Variants in PXDC1 observed in about 807,000 individuals in gnomAD.
The protein encoded by PXDC1 is PX domain containing 1, also known as PX domain-containing protein 1.
A neutral mutation model predicts 24.4 loss-of-function variants in PXDC1; 13 were observed. That is an observed-to-expected ratio of 0.53 (90% CI 0.35 to 0.85). The LOEUF (loss-of-function observed/expected upper bound fraction) is 0.85, where lower values mean the gene tolerates loss of function less well. Ranked by LOEUF, PXDC1 falls within the 40% of genes least tolerant of loss-of-function variation. The pLI, the probability that PXDC1 is intolerant of heterozygous loss-of-function variation, is 0.01. For missense variants in PXDC1, 344 were observed against 309.3 expected (o/e 1.11, Z -0.84); for synonymous variants, 162 against 124.9 (o/e 1.30, Z -1.98).
rs1315049439 is a variant in PXDC1, at chr6:3,737,643, C to A, written c.348+414G>T. ...TGGAAAGGGAGTTGACGGTCAAATC[C>A]GGGCAACGTGCCCCGCTGTGCTGAC... On this transcript the variant is annotated intron_variant, in intron 2 of 4. Coordinates refer to ENST00000380283, the MANE Select transcript of PXDC1 (RefSeq NM_183373.4). The surrounding 1 kb of genome is among the most constrained non-coding windows in gnomAD (Gnocchi z 5.5). 1 of 985,160 alleles carries A rather than the reference C, an allele frequency of 1.0e-6. No individual in the cohort carries two copies. The allele number at this position is 985,160 out of a possible 1,614,324, so 61.0% of individuals were successfully genotyped here. A position where few individuals can be genotyped will look rare whatever the true frequency, so the allele number is the denominator to read the frequency against.
At chr6:3,738,803 C>A (rs752811971) in intron 1 of PXDC1, 10 of 1,302,858 alleles carry the variant, frequency 7.7e-6, no homozygotes, top group Non-Finnish European at 1.0e-5. Context: ...TACCATAGCT[C>A]GAGGCATGAA....
At chr6:3,739,933 A>T (rs1370957725) in intron 1 of PXDC1, among the ~76,000 whole-genome samples, 1 of 152,208 alleles carries the variant, frequency 6.6e-6, no homozygotes, top group Non-Finnish European at 1.5e-5. Flanking sequence ...AATTCTTAAA[A>T]AGTTGTTTTT....
Position 3,727,555 on chromosome 6 carries a change from G to A in PXDC1, c.574C>T (p.His192Tyr). The A allele has an allele frequency of 3.1e-6, 5 of 1,592,354 alleles. No homozygotes were observed. Among genetic ancestry groups the A allele is most frequent in the Non-Finnish European group, 4.3e-6 (5 of 1,160,282 alleles). Reference protein sequence around the residue: ...DQQLGVDPTEHLFENGSEFPS... With the variant: ...DQQLGVDPTEYLFENGSEFPS... ...TATTCAAATCAGCATACTTACAAAT[G>A]CTCTGTTGGGTCCACGCCCAGCTGC... The change falls in exon 4 of 5, where the codon CAT (histidine) becomes TAT (tyrosine). Residue 192 changes from histidine to tyrosine, a missense_variant. Transcript: ENST00000380283.
At position 3,739,074 on chromosome 6, in the gene PXDC1, C is replaced by T. The variant is rs189202667; in HGVS notation, c.257-926G>A. ...TGCACCAACCTAGTATTATTGGTCACGGAGACTAACTTTTTCAGAAGTTCT... is the reference window on the plus strand; with the variant it reads ...TGCACCAACCTAGTATTATTGGTCATGGAGACTAACTTTTTCAGAAGTTCT... On this transcript the variant is annotated intron_variant, in intron 1 of 4. Coordinates refer to ENST00000380283, the MANE Select transcript of PXDC1 (RefSeq NM_183373.4). 1.3e-5 allele frequency: 15 copies of T among 1,179,560 alleles called. No individual in the cohort carries two copies. The Admixed American group carries it at 3.2e-4, about 25-fold the overall frequency. 73.1% of individuals were successfully genotyped at this position (1,179,560 alleles called of 1,614,324 possible). A position where few individuals can be genotyped will look rare whatever the true frequency, so the allele number is the denominator to read the frequency against.
Position 3,723,825 on chromosome 6 carries a change from G to C in PXDC1, c.579-89C>G, listed in dbSNP as rs892470605. Reference sequence around the variant, plus strand: ...CGGGACCATGAGCATGACTTTCAATGCCCGCTAGTAAGTGTGCAAAAAAAC... The same window carrying C: ...CGGGACCATGAGCATGACTTTCAATCCCCGCTAGTAAGTGTGCAAAAAAAC... On this transcript the variant is annotated intron_variant, in intron 4 of 4. Transcript: ENST00000380283. 9.0e-6 allele frequency: 9 copies of C among 994,846 alleles called. No homozygotes were observed. In the African/African-American group the frequency reaches 1.4e-4, roughly 16 times the overall value. 61.6% of individuals were successfully genotyped at this position (994,846 alleles called of 1,614,324 possible).
chr6:3,731,552 T>C (rs1760196559), intron 3 of PXDC1, among the ~76,000 whole-genome samples: 1 of 152,254 alleles, frequency 6.6e-6, no homozygotes, highest in South Asian at 2.1e-4. Context: ...TGCTCTTCCA[T>C]GGAAACTGAC....
rs1342909230 is a variant in PXDC1 at position 3,727,593 on chromosome 6, T to C, written c.536A>G (p.Asn179Ser). ...ETIVIDHSIP[N>S]GRDQQLGVDP... ...CACGCCCAGCTGCTGGTCTCTTCCA[T>C]TTGGTATACTGTGGTCAATAACTAT... Residue 179 changes from asparagine (N) to serine (S), a missense_variant, in exon 4 of 5, where the codon AAT (asparagine) becomes AGT (serine). Physicochemically the swap from Asn to Ser is conservative, Grantham distance 46. Coordinates refer to ENST00000380283, the MANE Select transcript of PXDC1 (RefSeq NM_183373.4). 1 of 1,613,602 alleles carries C rather than the reference T, an allele frequency of 6.2e-7. No individual in the cohort carries two copies. Among genetic ancestry groups the C allele is most frequent in the Non-Finnish European group, 8.5e-7 (1 of 1,179,468 alleles).
rs2127598136 is a variant in PXDC1, at chr6:3,728,692, G to T, written c.467-1030C>A. Among the ~76,000 whole-genome samples the T allele has an allele frequency of 6.6e-6, 1 of 152,256 alleles. No individual in the cohort carries two copies. Among genetic ancestry groups the T allele is most frequent in the East Asian group, 1.9e-4 (1 of 5,192 alleles). ...TTTCAAAGTTGTATTAATCTCTGAG[G>T]ATCCTTCTCACTCTGAAATCCCATG... On this transcript the variant is annotated intron_variant, in intron 3 of 4. Coordinates refer to ENST00000380283, the MANE Select transcript of PXDC1 (RefSeq NM_183373.4). This position sits in a 1 kb window ranked among gnomAD's most constrained non-coding sequence, Gnocchi z 4.0.
chr6:3,744,352 C>G (rs1453335525), intron 1 of PXDC1, among the ~76,000 whole-genome samples: 1 of 152,182 alleles, frequency 6.6e-6, no homozygotes, highest in Non-Finnish European at 1.5e-5. Flanking sequence ...CCTCCTGGCA[C>G]GTCATGCTAG....
intron 1 of PXDC1, among the ~76,000 whole-genome samples, chr6:3,741,794 T>C (rs1760453965): frequency 6.6e-6 from 1 of 152,216 alleles, no homozygotes; most frequent in African/African-American, 2.4e-5. Flanking sequence ...GGCAAGAGAC[T>C]ACAGACAGCC....
chr6:3,734,495 C>T (rs1196609195), intron 3 of PXDC1, among the ~76,000 whole-genome samples: 1 of 152,170 alleles, frequency 6.6e-6, no homozygotes, highest in Non-Finnish European at 1.5e-5. Context: ...CTACAAAATG[C>T]AAAACCCAGA....
chr6:3,740,915 G>A lies in PXDC1; in HGVS notation c.257-2767C>T, dbSNP rs115617693. Among the ~76,000 whole-genome samples, 890 of 152,390 alleles carry A rather than the reference G, an allele frequency of 5.8e-3. 8 individuals carry two copies. Among genetic ancestry groups the A allele is most frequent in the African/African-American group, 0.02 (841 of 41,596 alleles). On this transcript the variant is annotated intron_variant, in intron 1 of 4. Coordinates refer to ENST00000380283, the MANE Select transcript of PXDC1 (RefSeq NM_183373.4). ...GAGACTAGTGAGAGTCATAGGGCAG[G>A]AGGCACCTTAGGCTCATCTCCCTGT...
rs544596211 is a variant in PXDC1, at chr6:3,744,319, C to T, written c.257-6171G>A. Among the ~76,000 whole-genome samples the T allele has an allele frequency of 2.6e-5, 4 of 152,268 alleles. No individual in the cohort carries two copies. In the East Asian group the frequency reaches 7.7e-4, roughly 29 times the overall value. ...CTCCTCCACCAGGCTGGGGATACCACGGCCAACAAGATGGGATCCCGGCCT... is the reference window on the plus strand; with the variant it reads ...CTCCTCCACCAGGCTGGGGATACCATGGCCAACAAGATGGGATCCCGGCCT... On this transcript the variant is annotated intron_variant, in intron 1 of 4. Coordinates refer to ENST00000380283, the MANE Select transcript of PXDC1 (RefSeq NM_183373.4).
intron 1 of PXDC1, among the ~76,000 whole-genome samples, chr6:3,746,557 G>C (rs1760575492): frequency 6.6e-6 from 1 of 152,152 alleles, no homozygotes; most frequent in Admixed American, 6.5e-5. Flanking sequence ...AATGACGCAG[G>C]TGAATTCTGC....
At chr6:3,735,231 C>T (rs1398121613) in intron 3 of PXDC1, among the ~76,000 whole-genome samples, 3 of 152,172 alleles carry the variant, frequency 2.0e-5, no homozygotes, top group African/African-American at 7.2e-5. Flanking sequence ...GTAAACAAAA[C>T]AGCATGGTAC....
Position 3,751,671 on chromosome 6 carries a change from G to C in PXDC1, c.-140C>G. The C allele has an allele frequency of 1.6e-6, 2 of 1,227,590 alleles. No individual in the cohort carries two copies. Among genetic ancestry groups the C allele is most frequent in the African/African-American group, 1.6e-5 (1 of 62,836 alleles). The allele number at this position is 1,227,590 out of a possible 1,614,324, so 76.0% of individuals were successfully genotyped here. On this transcript the variant is annotated 5_prime_UTR_variant, in exon 1 of 5. Coordinates refer to ENST00000380283, the MANE Select transcript of PXDC1 (RefSeq NM_183373.4). ...CGGCCCGTCACTCCAAGGAGGCTGC[G>C]TATGGCCCGCGTTCGGGGCAGCGGG... is the stretch of plus-strand genomic sequence containing the variant.
Position 3,723,259 on chromosome 6 carries a change from C to T in PXDC1, c.*360G>A, listed in dbSNP as rs1302211738. 8.9e-6 allele frequency: 2 copies of T among 224,896 alleles called. No homozygotes were observed. The highest frequency in any genetic ancestry group is 4.5e-5 in the African/African-American group (2 of 44,756). The allele number at this position is 224,896 out of a possible 1,614,324, so 13.9% of individuals were successfully genotyped here. A position where few individuals can be genotyped will look rare whatever the true frequency, so the allele number is the denominator to read the frequency against. Reference sequence around the variant, plus strand: ...GGCTGGGGGGCACTAGGCCACTTCACCAAGAGGGATGCACCTCCCAGGAAG... The same window carrying T: ...GGCTGGGGGGCACTAGGCCACTTCATCAAGAGGGATGCACCTCCCAGGAAG... On this transcript the variant is annotated 3_prime_UTR_variant, in exon 5 of 5. Transcript: ENST00000380283.
chr6:3,749,494 C>T (rs1020823786), intron 1 of PXDC1, among the ~76,000 whole-genome samples: 27 of 148,066 alleles, frequency 1.8e-4, no homozygotes, highest in African/African-American at 6.0e-4. Flanking sequence ...GTAACAGACC[C>T]AGCACAACTA....
chr6:3,737,995 G>C lies in PXDC1; in HGVS notation c.348+62C>G. On this transcript the variant is annotated intron_variant, in intron 2 of 4. Coordinates refer to ENST00000380283, the MANE Select transcript of PXDC1 (RefSeq NM_183373.4). The surrounding 1 kb of genome is among the most constrained non-coding windows in gnomAD (Gnocchi z 5.5). ...CCCTCCGGGGGGATGGACGCCTTTC[G>C]CATTTGGGAGGTGCCAGCACCTCCC... 7.3e-7 allele frequency: 1 copy of C among 1,362,946 alleles called. No homozygotes were observed. Among genetic ancestry groups the C allele is most frequent in the Non-Finnish European group, 1.0e-6 (1 of 958,572 alleles). 84.4% of individuals were successfully genotyped at this position (1,362,946 alleles called of 1,614,324 possible). A position where few individuals can be genotyped will look rare whatever the true frequency, so the allele number is the denominator to read the frequency against.
Sources: gnomAD v4.1 joint callset for allele counts (sites outside exome capture counted in the v4.1 genomes callset) on GRCh38, gnomAD v4.1.1 for gene constraint, Gnocchi (gnomAD v3.1) non-coding constraint, MANE v1.5 for transcripts, NCBI Gene and HGNC (gene_info 2026-07-23, HGNC 2026-07-21) for gene names.